The following EIF3M variants were observed in gnomAD, a reference collection of about 807,000 sequenced individuals.
EIF3M encodes the protein eukaryotic translation initiation factor 3 subunit M.
In EIF3M, 25 loss-of-function variants were observed where a neutral mutation model predicts 49.7. That is an observed-to-expected ratio of 0.50 (90% CI 0.37 to 0.70). The LOEUF is 0.70. Among genes scored for constraint, EIF3M ranks in the 30% least tolerant of loss-of-function variants. The pLI, the probability that EIF3M is intolerant of heterozygous loss-of-function variation, is 0.00. For synonymous variants in EIF3M, 156 were observed against 149.8 expected (o/e 1.04, Z -0.30); for missense variants, 350 against 440.0 (o/e 0.80, Z 1.83).
intron 8 of EIF3M, among the ~76,000 whole-genome samples, chr11:32,599,030 T>G (rs1025303566): frequency 6.6e-6 from 1 of 152,060 alleles, no homozygotes; most frequent in Admixed American, 6.6e-5. Context: ...ATGTGTATAT[T>G]TTTTATTTTA....
rs912541284 is a variant in EIF3M at position 32,589,209 on chromosome 11, T to G, written c.438+74T>G. ...TTTTTTTTTTGAGACGGAGTTTCAC[T>G]GTTGTTGCCCAGGCTGGAGTGCAAT... is the stretch of plus-strand genomic sequence containing the variant. On this transcript the variant is annotated intron_variant, in intron 4 of 10. Coordinates refer to ENST00000531120, the MANE Select transcript of EIF3M (RefSeq NM_006360.6). The G allele has an allele frequency of 2.5e-6, 4 of 1,572,670 alleles. No individual in the cohort carries two copies. The African/African-American group carries it at 5.5e-5, about 22-fold the overall frequency.
Position 32,588,725 on chromosome 11 carries a change from C to T in EIF3M, c.307C>T (p.Leu103=), listed in dbSNP as rs1855044627. 5 of 1,614,184 alleles carry T rather than the reference C, an allele frequency of 3.1e-6. No homozygotes were observed. Among genetic ancestry groups the T allele is most frequent in the Non-Finnish European group, 3.4e-6 (4 of 1,180,018 alleles). The part of the protein sequence containing the change: ...FREGERPSLR[L]QLLSNLFHGM... The stretch of plus-strand genomic sequence containing the variant: ...CGAAGGTGAACGCCCGTCTCTGAGA[C>T]TGCAGTTGTAAGTTAAGATCTGAAA... Residue 103 remains leucine (L), a synonymous_variant, in exon 3 of 11, where the codon CTG becomes TTG. Coordinates refer to ENST00000531120, the MANE Select transcript of EIF3M (RefSeq NM_006360.6).
At position 32,604,738 on chromosome 11, in the gene EIF3M, T is replaced by C. The variant is rs1215442351; in HGVS notation, c.*2339T>C. On this transcript the variant is annotated 3_prime_UTR_variant, in exon 11 of 11. Coordinates refer to ENST00000531120, the MANE Select transcript of EIF3M (RefSeq NM_006360.6). ...GCAGTGATTATCATTTGTTCATAAA[T>C]CTTTGTGAAGATCTTTGGGTACTGC... is the stretch of plus-strand genomic sequence containing the variant. 1 of 152,236 alleles carries C rather than the reference T, an allele frequency of 6.6e-6. No individual in the cohort carries two copies. Among genetic ancestry groups the C allele is most frequent in the Non-Finnish European group, 1.5e-5 (1 of 68,036 alleles). 9.4% of individuals were successfully genotyped at this position (152,236 alleles called of 1,614,324 possible). A position where few individuals can be genotyped will look rare whatever the true frequency, so the allele number is the denominator to read the frequency against.
chr11:32,592,533 T>G (rs201872), intron 5 of EIF3M: 232,865 of 534,086 alleles, frequency 0.44, 54,518 homozygotes, highest in African/African-American at 0.69. Context: ...TCCATTGCAC[T>G]CCTCAGCCTT....
intron 6 of EIF3M, chr11:32,594,627 A>C: frequency 3.9e-6 from 1 of 258,754 alleles, no homozygotes; most frequent in Non-Finnish European, 7.4e-6. Context: ...TGAAGCACTT[A>C]GTGTCTTGGC....
chr11:32,601,640 T>C, intron 9 of EIF3M, 122 bp from the exon 10 acceptor site: 1 of 843,578 alleles, frequency 1.2e-6, no homozygotes, highest in South Asian at 1.8e-5. Flanking sequence ...ATTTAAACAG[T>C]GTATAATGTT....
intron 2 of EIF3M, among the ~76,000 whole-genome samples, chr11:32,588,053 A>G (rs1446346575): frequency 6.6e-6 from 1 of 152,194 alleles, no homozygotes; most frequent in African/African-American, 2.4e-5. Context: ...GTGAAAATTG[A>G]AACTTTATAT....
At position 32,602,407 on chromosome 11, in the gene EIF3M, T is replaced by C. The variant is rs756760747; in HGVS notation, c.*8T>C. On this transcript the variant is annotated 3_prime_UTR_variant, in exon 11 of 11. Coordinates refer to ENST00000531120, the MANE Select transcript of EIF3M (RefSeq NM_006360.6). ...AGTCTTTCTGATACCTGAGTTTTTA[T>C]GCTTATAATTTTTGTTCTTTGAAAA... The C allele has an allele frequency of 3.7e-6, 6 of 1,604,436 alleles. No homozygotes were observed. The highest frequency in any genetic ancestry group is 4.3e-6 in the Non-Finnish European group (5 of 1,176,394).
rs558168592 is a variant in EIF3M at position 32,596,387 on chromosome 11, C to T, written c.799+340C>T. On this transcript the variant is annotated intron_variant, in intron 8 of 10. Transcript: ENST00000531120. ...CGGGCGGATCACGAGGTCAGGAGGT[C>T]GAGACCATCTTGGCTGACTAACATG... 3.3e-5 allele frequency among the ~76,000 whole-genome samples: 5 copies of T among 151,710 alleles called. No individual in the cohort carries two copies. The South Asian group carries it at 8.3e-4, about 25-fold the overall frequency.
At chr11:32,589,703 T>G (rs1855070584) in intron 5 of EIF3M, 62 bp downstream of exon 5, 1 of 1,485,958 alleles carries the variant, frequency 6.7e-7, no homozygotes, top group Non-Finnish European at 9.3e-7. Context: ...TGGGGATGTT[T>G]TTTAAAGAGA....
chr11:32,596,007 C>T lies in EIF3M; in HGVS notation c.759C>T (p.Val253=). ...TGAGTGCTAAATTGGCATCATATGTCAAGTTTTATCAGAATAATAAAGACT... is the reference window on the plus strand; with the variant it reads ...TGAGTGCTAAATTGGCATCATATGTTAAGTTTTATCAGAATAATAAAGACT... ...IFVSAKLASY[V]KFYQNNKDFI... Residue 253 remains valine (V), a synonymous_variant, in exon 8 of 11, where the codon GTC becomes GTT. Coordinates refer to ENST00000531120, the MANE Select transcript of EIF3M (RefSeq NM_006360.6). 6.4e-7 allele frequency: 1 copy of T among 1,560,912 alleles called. No homozygotes were observed. The highest frequency in any genetic ancestry group is 1.2e-5 in the South Asian group (1 of 82,970).
chr11:32,589,540 C>T lies in EIF3M; in HGVS notation c.439-7C>T. ...CTCAGTTTTCTCCTTTTGTCAATCT[C>T]TTGTAGGTTAGAAAATGGATTTCTG... On this transcript the variant is annotated splice_region_variant and splice_polypyrimidine_tract_variant and intron_variant, in intron 4 of 10. Transcript: ENST00000531120. The T allele has an allele frequency of 6.2e-7, 1 of 1,611,068 alleles. No individual in the cohort carries two copies. Among genetic ancestry groups the T allele is most frequent in the East Asian group, 2.2e-5 (1 of 44,866 alleles).
chr11:32,601,500 TTA>T, intron 9 of EIF3M: 2 of 187,780 alleles, frequency 1.1e-5, no homozygotes, highest in Non-Finnish European at 9.3e-6. Flanking sequence ...CTAGCATTCT[TTA>T]AAAAAAAAAA....
chr11:32,589,180 C>CTTTT (rs375604117), intron 4 of EIF3M, 45 bp downstream of exon 4: 4 of 1,309,528 alleles, frequency 3.1e-6, no homozygotes, highest in South Asian at 2.8e-5. Context: ...AAGAAATGTA[C>CTTTT]TTTTTTTTTT....
At chr11:32,589,160 T>C (rs1009221019) in intron 4 of EIF3M, 25 bp downstream of exon 4, 25 of 1,604,962 alleles carry the variant, frequency 1.6e-5, no homozygotes, top group Non-Finnish European at 2.0e-5. Flanking sequence ...GGAATAGTTG[T>C]TCTGCTTATA....
chr11:32,588,531 AT>A, intron 2 of EIF3M, 62 bp from the exon 3 acceptor site: 4 of 1,556,064 alleles, frequency 2.6e-6, no homozygotes, highest in Non-Finnish European at 3.5e-6. Flanking sequence ...GGAAATGCAT[AT>A]TTAACTAGAC....
intron 10 of EIF3M, 56 bp from the exon 11 acceptor site, chr11:32,602,223 A>C: frequency 6.3e-7 from 1 of 1,585,154 alleles, no homozygotes; most frequent in Admixed American, 1.8e-5. Flanking sequence ...GTATTATAAA[A>C]GAATACCAGA....
rs1217412480 is a variant in EIF3M at position 32,587,053 on chromosome 11, G to T, written c.84G>T (p.Glu28Asp). Residue 28 changes from glutamate (E) to aspartate (D), a missense_variant, in exon 2 of 11, where the codon GAG becomes GAT. Glu to Asp is a conservative substitution (Grantham distance 45, BLOSUM62 2). Coordinates refer to ENST00000531120, the MANE Select transcript of EIF3M (RefSeq NM_006360.6). ...LRAYLKSKGA[E>D]ISEENSEGGL... is the part of the protein sequence containing the mutation. ...CTTATCTGAAATCTAAAGGAGCTGA[G>T]ATTTCAGAAGAGAACTCGGAAGGTG... 3 of 1,612,582 alleles carry T rather than the reference G, an allele frequency of 1.9e-6. No individual in the cohort carries two copies. The highest frequency in any genetic ancestry group is 2.2e-5 in the South Asian group (2 of 90,910).
rs755678406 is a variant in EIF3M at position 32,601,763 on chromosome 11, C to T, written c.945C>T (p.Ala315=). 8.5e-5 allele frequency: 137 copies of T among 1,611,174 alleles called. 1 individual carries two copies. The South Asian group carries it at 1.2e-3, about 14-fold the overall frequency. Reference sequence around the variant, plus strand: ...ACGATATAAAACATCTTTTTTCAGCCGTAAGAACTAAAATGGTCTACTGCA... The same window carrying T: ...ACGATATAAAACATCTTTTTTCAGCTGTAAGAACTAAAATGGTCTACTGCA... The part of the protein sequence containing the change: ...ADDVEAFVID[A]VRTKMVYCKI... Residue 315 remains alanine, a splice_region_variant and synonymous_variant, in exon 10 of 11, where the codon GCC becomes GCT. Coordinates refer to ENST00000531120, the MANE Select transcript of EIF3M (RefSeq NM_006360.6).
Sources: allele counts gnomAD v4.1 joint callset (sites outside exome capture counted in the v4.1 genomes callset), GRCh38; gene constraint gnomAD v4.1.1; transcripts MANE v1.5; gene names NCBI Gene and HGNC (gene_info 2026-07-23, HGNC 2026-07-21).